CMSS1: variants seen among roughly 807,000 people sequenced by gnomAD.
The protein encoded by CMSS1 is protein CMSS1.
Under a neutral mutation model 43.5 loss-of-function variants are expected in CMSS1, and 33 were observed. The observed-to-expected ratio is 0.76, with a 90% CI of 0.57 to 1.01. The LOEUF (loss-of-function observed/expected upper bound fraction) is 1.01, where lower values mean the gene tolerates loss of function less well. CMSS1 is among the 50% of genes least tolerant of loss of function. The pLI is 0.00. For missense variants in CMSS1, 313 were observed against 326.4 expected (o/e 0.96, Z 0.32); for synonymous variants, 115 against 117.2 (o/e 0.98, Z 0.12).
At chr3:99,982,066 A>G (rs915833111) in intron 1 of CMSS1, among the ~76,000 whole-genome samples, 1 of 152,242 alleles carries the variant, frequency 6.6e-6, no homozygotes, top group African/African-American at 2.4e-5. Context: ...ATGCATAAAT[A>G]GAAGTTTATA....
At chr3:99,907,775 T>C (rs1706667640) in intron 1 of CMSS1, among the ~76,000 whole-genome samples, 1 of 152,192 alleles carries the variant, frequency 6.6e-6, no homozygotes, top group Admixed American at 6.5e-5. Flanking sequence ...TGTCTGTCTT[T>C]TAATGTGCAA....
At chr3:99,896,944 G>A (rs1223144048) in intron 1 of CMSS1, among the ~76,000 whole-genome samples, 2 of 152,170 alleles carry the variant, frequency 1.3e-5, no homozygotes, top group Non-Finnish European at 2.9e-5. Flanking sequence ...AATAGAAAAT[G>A]TATTTTCAGT....
At chr3:99,893,401 G>C (rs960279770) in intron 1 of CMSS1, among the ~76,000 whole-genome samples, 1 of 152,008 alleles carries the variant, frequency 6.6e-6, no homozygotes, top group African/African-American at 2.4e-5. Context: ...TCCTGACCTC[G>C]TGATCCGCCT....
chr3:100,041,340 A>G (rs1182176569), intron 1 of CMSS1: 1 of 152,198 alleles, frequency 6.6e-6, no homozygotes, highest in Non-Finnish European at 1.5e-5. Context: ...AGCTGTAAGC[A>G]CTTGAAGATG....
At chr3:99,864,779 G>A (rs1017293809) in intron 1 of CMSS1, among the ~76,000 whole-genome samples, 1 of 151,952 alleles carries the variant, frequency 6.6e-6, no homozygotes, top group African/African-American at 2.4e-5. Context: ...TGTGCTCGCT[G>A]TCTCCCCAGG....
chr3:100,019,648 T>C (rs1190360702), intron 1 of CMSS1, among the ~76,000 whole-genome samples: 3 of 152,242 alleles, frequency 2.0e-5, no homozygotes, highest in Non-Finnish European at 2.9e-5. Context: ...TGCTGTTGAC[T>C]GTCTTTCCAT....
intron 1 of CMSS1, among the ~76,000 whole-genome samples, chr3:99,978,661 A>G (rs1478054155): frequency 6.6e-6 from 1 of 152,176 alleles, no homozygotes; most frequent in Non-Finnish European, 1.5e-5. Flanking sequence ...TTGGGTGTCC[A>G]AGGTGGGTGA....
At chr3:100,062,093 CTTTTTTTTTTTTTTTTTTTT>C (rs71907944) in intron 1 of CMSS1, among the ~76,000 whole-genome samples, 10 of 53,180 alleles carry the variant, frequency 1.9e-4, no homozygotes, top group African/African-American at 4.4e-4. Context: ...CTGTCTTCTT[CTTTTTTTTTTTTTTTTTTTT>C]TTTTTTTTTT....
chr3:99,985,764 T>C (rs955038547), intron 1 of CMSS1, among the ~76,000 whole-genome samples: 10 of 152,244 alleles, frequency 6.6e-5, no homozygotes, highest in African/African-American at 2.4e-4. Context: ...GGTTTTTGTA[T>C]TTTTACTAGA....
chr3:99,956,332 C>T (rs1197208472), intron 1 of CMSS1, among the ~76,000 whole-genome samples: 3 of 152,086 alleles, frequency 2.0e-5, no homozygotes, highest in African/African-American at 4.8e-5. Flanking sequence ...TCTTGGTTTC[C>T]GATTCTGTCC....
chr3:99,970,646 A>T (rs556399478), intron 1 of CMSS1, among the ~76,000 whole-genome samples: 38 of 152,358 alleles, frequency 2.5e-4, no homozygotes, highest in African/African-American at 8.2e-4. Context: ...CAAGAGTTTA[A>T]AAAGAGCAAG....
At chr3:99,825,229 C>T (rs1465679103) in intron 1 of CMSS1, among the ~76,000 whole-genome samples, 1 of 152,170 alleles carries the variant, frequency 6.6e-6, no homozygotes, top group Admixed American at 6.5e-5. Context: ...GTCAAGCTCT[C>T]ATGCTTAGCC....
intron 1 of CMSS1, among the ~76,000 whole-genome samples, chr3:99,829,557 T>A (rs529533701): frequency 6.6e-6 from 1 of 152,232 alleles, no homozygotes; most frequent in Non-Finnish European, 1.5e-5. Flanking sequence ...AAGGCTTAGA[T>A]TGATGAATGC....
At chr3:100,097,955 C>G (rs946143688) in intron 1 of CMSS1, among the ~76,000 whole-genome samples, 2 of 152,128 alleles carry the variant, frequency 1.3e-5, no homozygotes, top group African/African-American at 4.8e-5. Context: ...ATTTCATCAA[C>G]GGTAGCATAT....
intron 1 of CMSS1, among the ~76,000 whole-genome samples, chr3:99,994,972 C>A (rs970392745): frequency 1.5e-4 from 23 of 152,142 alleles, no homozygotes; most frequent in African/African-American, 5.6e-4. Flanking sequence ...CACAGCCAAA[C>A]CCTATCATTC....
intron 1 of CMSS1, among the ~76,000 whole-genome samples, chr3:99,889,709 T>C (rs769895647): frequency 6.6e-6 from 1 of 152,058 alleles, no homozygotes; most frequent in African/African-American, 2.4e-5. Context: ...ATACATACTG[T>C]ATTCCTATTC....
intron 1 of CMSS1, among the ~76,000 whole-genome samples, chr3:100,061,407 G>C (rs2065563542): frequency 6.6e-6 from 1 of 152,200 alleles, no homozygotes; most frequent in African/African-American, 2.4e-5. Flanking sequence ...ATGTTTGGCT[G>C]ATGTAGGCAA....
chr3:99,982,345 CTT>C (rs999936582), intron 1 of CMSS1, among the ~76,000 whole-genome samples: 6 of 144,266 alleles, frequency 4.2e-5, no homozygotes, highest in African/African-American at 2.5e-5. Flanking sequence ...TAATTTTTTA[CTT>C]TTTTTTTTTT....
In CMSS1 at chr3:100,045,558, C is replaced by A. The variant is rs534450178; in HGVS notation, c.65-101415C>A. On this transcript the variant is annotated intron_variant, in intron 1 of 9. Coordinates refer to ENST00000421999, the MANE Select transcript of CMSS1 (RefSeq NM_032359.4). The stretch of plus-strand genomic sequence containing the variant: ...TCCTATAATTCTCCCCCTGAAAAAT[C>A]AGGGGACTTCATTTATCTTAAATGG... Among the ~76,000 whole-genome samples the A allele has an allele frequency of 9.9e-4, 150 of 152,172 alleles. 1 individual carries two copies. Among genetic ancestry groups the A allele is most frequent in the South Asian group, 6.2e-3 (30 of 4,812 alleles).
Sources: gnomAD v4.1 joint callset for allele counts (sites outside exome capture counted in the v4.1 genomes callset) on GRCh38, gnomAD v4.1.1 for gene constraint, MANE v1.5 for transcripts, NCBI Gene and HGNC (gene_info 2026-07-23, HGNC 2026-07-21) for gene names.